TRMT11: variants seen among roughly 807,000 people sequenced by gnomAD.
TRMT11 encodes the protein tRNA methyltransferase 11.
Under a neutral mutation model 62.8 loss-of-function variants are expected in TRMT11, and 53 were observed. The observed-to-expected ratio is 0.84, with a 90% CI of 0.68 to 1.06. The LOEUF (loss-of-function observed/expected upper bound fraction) is 1.06, where lower values mean the gene tolerates loss of function less well. Among genes scored for constraint, TRMT11 ranks in the 50% least tolerant of loss-of-function variants. TRMT11 has a pLI of 0.00. For missense variants in TRMT11, 556 were observed against 553.4 expected, an observed-to-expected ratio of 1.00 and a Z score of -0.05; for synonymous variants, 188 against 190.3, an observed-to-expected ratio of 0.99 and a Z score of 0.10.
At chr6:126,152,912 A>C (rs966218385) in intron 21 of TRMT11, among the ~76,000 whole-genome samples, 4 of 152,208 alleles carry the variant, frequency 2.6e-5, no homozygotes, top group African/African-American at 9.6e-5. Flanking sequence ...GAGAGACTGT[A>C]AATTCCCACA....
chr6:126,127,766 C>T (rs945420819), intron 21 of TRMT11, among the ~76,000 whole-genome samples: 9 of 151,106 alleles, frequency 6.0e-5, no homozygotes, highest in East Asian at 4.0e-4. Context: ...TTGCTGAACG[C>T]GCCCGATCTC....
intron 16 of TRMT11, among the ~76,000 whole-genome samples, chr6:126,046,695 G>A (rs896714692): frequency 6.6e-6 from 1 of 152,140 alleles, no homozygotes; most frequent in Non-Finnish European, 1.5e-5. Flanking sequence ...GTGGGGGAAG[G>A]GTCCACTCGG....
intron 21 of TRMT11, among the ~76,000 whole-genome samples, chr6:126,157,034 A>T (rs1007924319): frequency 2.0e-5 from 3 of 152,240 alleles, no homozygotes; most frequent in Non-Finnish European, 2.9e-5. Context: ...AAGGTTTTTG[A>T]TAGGGCCAGT....
upstream of TRMT11, among the ~76,000 whole-genome samples, chr6:126,174,660 T>C (rs113664029): frequency 0.015 from 2,354 of 152,346 alleles, 62 homozygotes; most frequent in African/African-American, 0.052. Context: ...CACAGATCTC[T>C]TGTGGACAAG....
chr6:126,094,849 C>T (rs1054821816), intron 17 of TRMT11, among the ~76,000 whole-genome samples: 1 of 152,134 alleles, frequency 6.6e-6, no homozygotes, highest in African/African-American at 2.4e-5. Context: ...TATGTGTTAA[C>T]TCTACCAACA....
intron 21 of TRMT11, among the ~76,000 whole-genome samples, chr6:126,131,843 C>G (rs142135635): frequency 4.0e-4 from 60 of 151,754 alleles, no homozygotes; most frequent in Non-Finnish European, 7.2e-4. Flanking sequence ...GGGAGATTTG[C>G]TCTGATGAGT....
At chr6:126,060,764 A>C in intron 17 of TRMT11, among the ~76,000 whole-genome samples, 1 of 152,240 alleles carries the variant, frequency 6.6e-6, no homozygotes, top group East Asian at 1.9e-4. Flanking sequence ...ATGACAGAAC[A>C]GTGCCCCATT....
intron 21 of TRMT11, among the ~76,000 whole-genome samples, chr6:126,167,162 T>G: frequency 6.6e-6 from 1 of 152,060 alleles, no homozygotes; most frequent in East Asian, 1.9e-4. Flanking sequence ...CACTGGGGTA[T>G]GAAAAAAACT....
At chr6:126,268,202 GAGA>G in the TRMT11 span, among the ~76,000 whole-genome samples, 44 of 152,250 alleles carry the variant, frequency 2.9e-4, no homozygotes, top group Middle Eastern at 3.4e-3. Flanking sequence ...CAAGAAGAAG[GAGA>G]AGAAGAGAGC....
At chr6:126,151,867 C>CTTTCT (rs1562334850) in intron 21 of TRMT11, among the ~76,000 whole-genome samples, 1 of 18,410 alleles carries the variant, frequency 5.4e-5, no homozygotes, top group Non-Finnish European at 1.1e-4. Context: ...TCTTTCTTTC[C>CTTTCT]TTCTTTCTCC....
intron 11 of TRMT11, among the ~76,000 whole-genome samples, chr6:126,014,315 A>G (rs1248705463): frequency 5.3e-5 from 8 of 151,076 alleles, no homozygotes; most frequent in Non-Finnish European, 1.0e-4. Context: ...CAGTGGCACC[A>G]TCTCAGCTCA....
At chr6:126,027,499 A>G (rs1262889433) in intron 12 of TRMT11, among the ~76,000 whole-genome samples, 1 of 152,164 alleles carries the variant, frequency 6.6e-6, no homozygotes, top group Non-Finnish European at 1.5e-5. Flanking sequence ...CATGTGCCCT[A>G]TTTATTTTGT....
At chr6:126,162,450 TTTTGG>T (rs759925508) in intron 21 of TRMT11, among the ~76,000 whole-genome samples, 1 of 152,238 alleles carries the variant, frequency 6.6e-6, no homozygotes, top group Non-Finnish European at 1.5e-5. Flanking sequence ...TACCATTCTG[TTTTGG>T]TTACTGTAGC....
At chr6:125,997,948 G>T (rs1387960219) in intron 3 of TRMT11, 105 bp from the exon 4 acceptor site, 10 of 786,504 alleles carry the variant, frequency 1.3e-5, no homozygotes, top group East Asian at 9.8e-5. Flanking sequence ...CAAAACATAG[G>T]CAATAATCAG....
chr6:126,232,854 T>G, the TRMT11 span, among the ~76,000 whole-genome samples: 1 of 152,234 alleles, frequency 6.6e-6, no homozygotes, highest in Admixed American at 6.5e-5. Flanking sequence ...GGAAAGTTTC[T>G]AATGCTTCCT....
At chr6:125,995,881 C>A in intron 2 of TRMT11, 86 bp from the exon 3 acceptor site, 1 of 792,166 alleles carries the variant, frequency 1.3e-6, no homozygotes, top group Non-Finnish European at 2.2e-6. Context: ...AGCAAATAGG[C>A]ACTTCTCCTT....
At chr6:126,054,259 C>CT (rs1776306420) in intron 17 of TRMT11, among the ~76,000 whole-genome samples, 1 of 152,334 alleles carries the variant, frequency 6.6e-6, no homozygotes, top group South Asian at 2.1e-4. Context: ...GCTCCAGGGT[C>CT]TGTTTCTGCC....
the TRMT11 span, among the ~76,000 whole-genome samples, chr6:126,256,326 A>G: frequency 6.2e-4 from 95 of 152,354 alleles, no homozygotes; most frequent in African/African-American, 2.1e-3. Context: ...GGGAATACAC[A>G]ATGAAGTGAA....
At chr6:126,059,898 CT>C (rs1342610874) in intron 17 of TRMT11, among the ~76,000 whole-genome samples, 4 of 152,152 alleles carry the variant, frequency 2.6e-5, no homozygotes, top group Admixed American at 1.3e-4. Context: ...TCACAAAACC[CT>C]GAGGCATTCA....
Sources: allele counts gnomAD v4.1 joint callset (sites outside exome capture counted in the v4.1 genomes callset), GRCh38; gene constraint gnomAD v4.1.1; transcripts MANE v1.5; gene names NCBI Gene and HGNC (gene_info 2026-07-23, HGNC 2026-07-21).